The following CEP192 variants were observed in gnomAD, a reference collection of about 807,000 sequenced individuals.
The protein encoded by CEP192 is centrosomal protein of 192 kDa.
A neutral mutation model predicts 271.8 loss-of-function variants in CEP192; 151 were observed. The ratio of observed to expected loss-of-function variants is 0.56; its 90% CI spans 0.49 to 0.64. CEP192 has a LOEUF of 0.64. Among genes scored for constraint, CEP192 ranks in the 30% least tolerant of loss-of-function variants. The probability of loss-of-function intolerance (pLI) is 0.00; values close to 1 mark genes in which losing one functional copy is unlikely to be tolerated. For missense variants in CEP192, 2,910 were observed against 3,020.5 expected, an observed-to-expected ratio of 0.96 and a Z score of 0.86; for synonymous variants, 995 against 1,076.5, an observed-to-expected ratio of 0.92 and a Z score of 1.48.
At chr18:13,009,272 G>A (rs895355927) in intron 4 of CEP192, among the ~76,000 whole-genome samples, 1 of 152,124 alleles carries the variant, frequency 6.6e-6, no homozygotes, top group African/African-American at 2.4e-5. Flanking sequence ...TCTTAACCTT[G>A]TTGACTCATT....
At position 12,999,576 on chromosome 18, in the gene CEP192, G is replaced by A; in HGVS notation, c.152G>A (p.Ser51Asn). Residue 51 changes from serine (S) to asparagine (N), a missense_variant, in exon 2 of 45, where the codon AGC (serine) becomes AAC (asparagine). Coordinates refer to ENST00000506447, the MANE Select transcript of CEP192 (RefSeq NM_032142.4). Reference protein sequence around the residue: ...AVSTLARDRSSTDNRYPDIQA... With the variant: ...AVSTLARDRSNTDNRYPDIQA... ...TCTACACTTGCTAGGGATAGATCCA[G>A]CACTGATAACAGGTAAGATTTGTTT... 1 of 1,539,028 alleles carries A rather than the reference G, an allele frequency of 6.5e-7. No individual in the cohort carries two copies. The highest frequency in any genetic ancestry group is 1.2e-5 in the South Asian group (1 of 81,106).
intron 18 of CEP192, among the ~76,000 whole-genome samples, chr18:13,054,638 G>A (rs1335032240): frequency 6.6e-6 from 1 of 152,194 alleles, no homozygotes; most frequent in Non-Finnish European, 1.5e-5. Flanking sequence ...CTGTAAGGAG[G>A]AATAGTATGT....
At chr18:13,061,276 T>A (rs2037392976) in intron 21 of CEP192, among the ~76,000 whole-genome samples, 1 of 152,174 alleles carries the variant, frequency 6.6e-6, no homozygotes, top group Non-Finnish European at 1.5e-5. Flanking sequence ...TGAGCTGAAG[T>A]CACGCTATTG....
At chr18:13,055,668 A>G (rs1184337147) in intron 18 of CEP192, 112 bp from the exon 19 acceptor site, 12 of 703,942 alleles carry the variant, frequency 1.7e-5, no homozygotes, top group Admixed American at 6.7e-5. Flanking sequence ...ATTTTTTTTC[A>G]AAGAGACACC....
At chr18:13,078,864 CCTATGAG>C (rs1176534463) in intron 30 of CEP192, among the ~76,000 whole-genome samples, 3 of 152,062 alleles carry the variant, frequency 2.0e-5, no homozygotes, top group Non-Finnish European at 4.4e-5. Context: ...TCAATTCCCA[CCTATGAG>C]TGAGAACATG....
chr18:13,091,006 T>C (rs1281018627), intron 33 of CEP192, among the ~76,000 whole-genome samples: 1 of 152,190 alleles, frequency 6.6e-6, no homozygotes, highest in Admixed American at 6.5e-5. Flanking sequence ...GCAGAGGTAC[T>C]GGATGCAGTC....
In CEP192 at chr18:13,014,384, T is replaced by TCTCAC. The variant is rs201114379; in HGVS notation, c.520-940_520-939insCCTCA. On this transcript the variant is annotated intron_variant, in intron 5 of 44. Coordinates refer to ENST00000506447, the MANE Select transcript of CEP192 (RefSeq NM_032142.4). ...GAAGGGAGCTGCTACTGCGTGTAGG[T>TCTCAC]CTCATCTCATCTGTGGAGCTATGCC... 1.1e-3 allele frequency among the ~76,000 whole-genome samples: 173 copies of TCTCAC among 152,140 alleles called. 1 individual carries two copies. The East Asian group carries it at 0.029, about 26-fold the overall frequency.
intron 15 of CEP192, among the ~76,000 whole-genome samples, chr18:13,046,230 A>G (rs894677977): frequency 6.6e-6 from 1 of 152,068 alleles, no homozygotes; most frequent in Admixed American, 6.6e-5. Context: ...ACTTCAAACA[A>G]CCAGGTCTTA....
intron 1 of CEP192, among the ~76,000 whole-genome samples, chr18:12,996,942 C>T (rs1350710328): frequency 6.6e-6 from 1 of 152,034 alleles, no homozygotes; most frequent in Non-Finnish European, 1.5e-5. Flanking sequence ...GTCATGATTC[C>T]TCTGGAAGCC....
At chr18:13,044,908 T>A (rs1032861006) in intron 15 of CEP192, among the ~76,000 whole-genome samples, 1 of 152,200 alleles carries the variant, frequency 6.6e-6, no homozygotes, top group Non-Finnish European at 1.5e-5. Context: ...ATTCTTTATC[T>A]AATGCCTTTA....
At chr18:13,081,030 T>A (rs899019054) in intron 30 of CEP192, among the ~76,000 whole-genome samples, 6 of 152,222 alleles carry the variant, frequency 3.9e-5, no homozygotes, top group African/African-American at 1.4e-4. Context: ...TGCTGCTGGA[T>A]TTGGTTTGCC....
At chr18:12,999,851 AT>A (rs1260098297) in intron 2 of CEP192, among the ~76,000 whole-genome samples, 3 of 108,856 alleles carry the variant, frequency 2.8e-5, no homozygotes, top group Non-Finnish European at 3.9e-5. Flanking sequence ...TTTTTTGTCT[AT>A]AGTGTTTTGG....
At chr18:13,010,760 C>T (rs1339371696) in intron 4 of CEP192, among the ~76,000 whole-genome samples, 2 of 151,982 alleles carry the variant, frequency 1.3e-5, no homozygotes, top group African/African-American at 2.4e-5. Flanking sequence ...GCAGGAGAAT[C>T]GCTTGAACCT....
intron 43 of CEP192, 68 bp from the exon 44 acceptor site, chr18:13,117,517 G>A: frequency 9.1e-7 from 1 of 1,100,936 alleles, no homozygotes; most frequent in South Asian, 1.3e-5. Flanking sequence ...ATAAATGCTT[G>A]GTATGCTTAT....
chr18:13,094,354 A>G (rs931529503), intron 34 of CEP192, among the ~76,000 whole-genome samples: 3 of 152,170 alleles, frequency 2.0e-5, no homozygotes, highest in Admixed American at 6.5e-5. Flanking sequence ...ATCTTTCTGC[A>G]TTTATTAATT....
At chr18:13,076,839 A>C (rs2038312566) in intron 30 of CEP192, among the ~76,000 whole-genome samples, 1 of 152,060 alleles carries the variant, frequency 6.6e-6, no homozygotes, top group African/African-American at 2.4e-5. Context: ...CCTGGAGTGC[A>C]GTGGCGTGAT....
intron 40 of CEP192, among the ~76,000 whole-genome samples, chr18:13,111,264 A>G (rs1022860464): frequency 6.6e-6 from 1 of 152,184 alleles, no homozygotes; most frequent in Non-Finnish European, 1.5e-5. Flanking sequence ...AGCTGGGACT[A>G]CAGGTGCCCA....
intron 5 of CEP192, among the ~76,000 whole-genome samples, chr18:13,013,408 T>C (rs2034472456): frequency 6.6e-6 from 1 of 152,194 alleles, no homozygotes; most frequent in African/African-American, 2.4e-5. Flanking sequence ...TAGTTGTCAC[T>C]TAATAATTTG....
intron 18 of CEP192, among the ~76,000 whole-genome samples, chr18:13,054,822 T>G (rs1160950851): frequency 6.6e-6 from 1 of 152,252 alleles, no homozygotes; most frequent in East Asian, 1.9e-4. Flanking sequence ...CTATCTAGTC[T>G]GTAAATTTCA....
Sources: gnomAD v4.1 joint callset for allele counts (sites outside exome capture counted in the v4.1 genomes callset) on GRCh38, gnomAD v4.1.1 for gene constraint, MANE v1.5 for transcripts, NCBI Gene and HGNC (gene_info 2026-07-23, HGNC 2026-07-21) for gene names.